NOS1: variants seen among roughly 807,000 people sequenced by gnomAD.
The protein encoded by NOS1 is nitric oxide synthase 1, also known as NOS type I.
A neutral mutation model predicts 164.5 loss-of-function variants in NOS1; 51 were observed. The observed-to-expected ratio is 0.31, with a 90% CI of 0.25 to 0.39. NOS1 has a LOEUF of 0.39. Among genes scored for constraint, NOS1 ranks in the 10% least tolerant of loss-of-function variants. NOS1 has a pLI of 1.00. For synonymous variants in NOS1, 719 were observed against 745.8 expected (o/e 0.96, Z 0.59); for missense variants, 1,362 against 1,885.6 (o/e 0.72, Z 5.14).
rs577718869 is a variant in NOS1, at chr12:117,308,769, G to A, written c.852+2697C>T. Among the ~76,000 whole-genome samples the A allele has an allele frequency of 4.6e-5, 7 of 152,020 alleles. No homozygotes were observed. In the East Asian group the frequency reaches 1.2e-3, roughly 25 times the overall value. The stretch of plus-strand genomic sequence containing the variant: ...CCGCCACCATGCCCAGCTAATTTTT[G>A]TATTTTTAGTAGAGACGGAGTTTCA... On this transcript the variant is annotated intron_variant, in intron 3 of 28. Coordinates refer to ENST00000317775, the MANE Select transcript of NOS1 (RefSeq NM_000620.5).
In NOS1 at chr12:117,278,074, G is replaced by A; in HGVS notation, c.1549C>T (p.Pro517Ser). The change falls in exon 9 of 29, where the codon CCG (proline) becomes TCG (serine). Residue 517 changes from proline to serine, a missense_variant. Pro to Ser is a moderately conservative substitution (Grantham distance 74, BLOSUM62 -1). This residue lies in a region of NOS1 where 134 missense variants were observed against 267.3 expected (regional missense o/e 0.50). Coordinates refer to ENST00000317775, the MANE Select transcript of NOS1 (RefSeq NM_000620.5). ...TEICIQQGWKPPRGRFDVLPL... is the reference protein window; with the variant it reads ...TEICIQQGWKSPRGRFDVLPL... ...AGGACATCGAAGCGGCCTCTAGGCG[G>A]TTTCCAGCCCTGCTGTATGCATATC... 6.2e-7 allele frequency: 1 copy of A among 1,613,752 alleles called. No individual in the cohort carries two copies. The highest frequency in any genetic ancestry group is 8.5e-7 in the Non-Finnish European group (1 of 1,179,854).
At chr12:117,333,831 T>C (rs1208637670) in intron 1 of NOS1, among the ~76,000 whole-genome samples, 2 of 152,136 alleles carry the variant, frequency 1.3e-5, no homozygotes, top group African/African-American at 4.8e-5. Flanking sequence ...TGTGCCCTTC[T>C]CTCTCCTTGC....
chr12:117,309,426 G>A, intron 3 of NOS1: 3 of 974,702 alleles, frequency 3.1e-6, no homozygotes, highest in Non-Finnish European at 3.7e-6. Context: ...GCTGTGTAGA[G>A]AACTTTGAGG....
intron 17 of NOS1, 64 bp from the exon 18 acceptor site, chr12:117,247,586 G>A (rs1384885638): frequency 2.8e-6 from 4 of 1,450,004 alleles, no homozygotes; most frequent in East Asian, 2.4e-5. Context: ...AGTGTCTGGT[G>A]TAATGGGCTA....
chr12:117,276,683 G>A (rs892565588), intron 9 of NOS1, among the ~76,000 whole-genome samples: 1 of 151,308 alleles, frequency 6.6e-6, no homozygotes, highest in Non-Finnish European at 1.5e-5. Flanking sequence ...ATGCCCATGA[G>A]CTCTATTGTT....
At chr12:117,344,573 C>G (rs1332800455) in intron 1 of NOS1, among the ~76,000 whole-genome samples, 1 of 152,164 alleles carries the variant, frequency 6.6e-6, no homozygotes, top group African/African-American at 2.4e-5. Flanking sequence ...GGTGGGGACT[C>G]AAGTCAAGTT....
chr12:117,293,249 C>T lies in NOS1; in HGVS notation c.853-2823G>A, dbSNP rs375557570. Among the ~76,000 whole-genome samples the T allele has an allele frequency of 1.6e-4, 24 of 152,224 alleles. No individual in the cohort carries two copies. The South Asian group carries it at 3.5e-3, about 22-fold the overall frequency. On this transcript the variant is annotated intron_variant, in intron 3 of 28. Coordinates refer to ENST00000317775, the MANE Select transcript of NOS1 (RefSeq NM_000620.5). ...AGGCTGTGGCAGCACAGGGAACACACGGAAGGTGCTAGGATTCATAATCTT... is the reference window on the plus strand; with the variant it reads ...AGGCTGTGGCAGCACAGGGAACACATGGAAGGTGCTAGGATTCATAATCTT...
intron 9 of NOS1, among the ~76,000 whole-genome samples, chr12:117,275,274 TTCTC>T (rs58421488): frequency 1.3e-5 from 2 of 150,064 alleles, no homozygotes; most frequent in African/African-American, 2.4e-5. Flanking sequence ...TCCAAATTAA[TTCTC>T]TCTCTCTCTC....
In NOS1 at chr12:117,247,483, G is replaced by T. The variant is rs1444451786; in HGVS notation, c.2688C>A (p.His896Gln). Reference sequence around the variant, plus strand: ...CCACAGCGTGTCCGAAGGCGCAAAAGTGAGGGTATGCTCGTGAGCCGAGGC... The same window carrying T: ...CCACAGCGTGTCCGAAGGCGCAAAATTGAGGGTATGCTCGTGAGCCGAGGC... ...VFGLGSRAYP[H>Q]FCAFGHAVDT... Residue 896 changes from histidine to glutamine, a missense_variant, in exon 18 of 29, where the codon CAC becomes CAA. His to Gln is a conservative substitution (Grantham distance 24, BLOSUM62 0). Coordinates refer to ENST00000317775, the MANE Select transcript of NOS1 (RefSeq NM_000620.5). 1.2e-6 allele frequency: 2 copies of T among 1,612,720 alleles called. No homozygotes were observed. Among genetic ancestry groups the T allele is most frequent in the Non-Finnish European group, 1.7e-6 (2 of 1,179,530 alleles).
chr12:117,294,424 G>A (rs1873278923), intron 3 of NOS1, among the ~76,000 whole-genome samples: 1 of 152,202 alleles, frequency 6.6e-6, no homozygotes, highest in Non-Finnish European at 1.5e-5. Flanking sequence ...TACGAGTCAA[G>A]TAATTGGCTG....
rs1870330580 is a variant in NOS1 at position 117,243,234 on chromosome 12, G to A, written c.2962+63C>T. On this transcript the variant is annotated intron_variant, in intron 19 of 28. Coordinates refer to ENST00000317775, the MANE Select transcript of NOS1 (RefSeq NM_000620.5). The surrounding 1 kb of genome is among the most constrained non-coding windows in gnomAD (Gnocchi z 4.3). ...CATCTTCTCTAAGCACCTTCTGGAGGTGAGATCACCTGCCTTTCCCCCATT... is the reference window on the plus strand; with the variant it reads ...CATCTTCTCTAAGCACCTTCTGGAGATGAGATCACCTGCCTTTCCCCCATT... 4 of 1,594,732 alleles carry A rather than the reference G, an allele frequency of 2.5e-6. No homozygotes were observed. The highest frequency in any genetic ancestry group is 3.4e-6 in the Non-Finnish European group (4 of 1,169,692).
Position 117,330,921 on chromosome 12 carries a change from C to T in NOS1, c.149G>A (p.Gly50Asp). 1 of 1,614,150 alleles carries T rather than the reference C, an allele frequency of 6.2e-7. No homozygotes were observed. The highest frequency in any genetic ancestry group is 8.5e-7 in the Non-Finnish European group (1 of 1,180,038). Residue 50 changes from glycine (G) to aspartate (D), a missense_variant, in exon 2 of 29, where the codon GGC (glycine) becomes GAC (aspartate). Coordinates refer to ENST00000317775, the MANE Select transcript of NOS1 (RefSeq NM_000620.5). This position sits in a 1 kb window ranked among gnomAD's most constrained non-coding sequence, Gnocchi z 4.6. ...GATGAGGCCACTCTGCTCTGCGGCG[C>T]CCCCACGAATCAGGTCAGAGATGAT... is the stretch of plus-strand genomic sequence containing the variant. ...PVIISDLIRG[G>D]AAEQSGLIQA... is the part of the protein sequence containing the mutation.
At chr12:117,345,957 T>A (rs774085959) in intron 1 of NOS1, among the ~76,000 whole-genome samples, 9 of 152,234 alleles carry the variant, frequency 5.9e-5, no homozygotes, top group African/African-American at 2.2e-4. Flanking sequence ...AGTCTACAGC[T>A]ATTGAATGAA....
At chr12:117,246,697 T>A (rs559231003) in intron 18 of NOS1, among the ~76,000 whole-genome samples, 41 of 152,330 alleles carry the variant, frequency 2.7e-4, no homozygotes, top group African/African-American at 9.9e-4. Flanking sequence ...TTTCTGATTC[T>A]GGACATTTTA....
In NOS1 at chr12:117,260,453, C is replaced by T. The variant is rs367578043; in HGVS notation, c.2367+12G>A. The T allele has an allele frequency of 2.5e-6, 4 of 1,611,480 alleles. No homozygotes were observed. Among genetic ancestry groups the T allele is most frequent in the South Asian group, 1.1e-5 (1 of 90,896 alleles). On this transcript the variant is annotated intron_variant, in intron 14 of 28. Transcript: ENST00000317775. ...TGAGAAGCTGGTGGAGCTAGGGCTA[C>T]CCCCCACCTACCTTGGCATCAAAGG...
At chr12:117,222,689 C>G (rs752627660) in intron 26 of NOS1, 26 bp downstream of exon 26, 23 of 1,610,580 alleles carry the variant, frequency 1.4e-5, no homozygotes, top group Middle Eastern at 1.8e-4. Flanking sequence ...TTGGGCTGGG[C>G]TAGGGGGTGG....
rs1446808364 is a variant in NOS1 at position 117,220,201 on chromosome 12, C to T, written c.4044G>A (p.Gly1348=). 12 of 1,613,742 alleles carry T rather than the reference C, an allele frequency of 7.4e-6. No homozygotes were observed. The highest frequency in any genetic ancestry group is 9.3e-6 in the Non-Finnish European group (11 of 1,179,990). Reference sequence around the variant, plus strand: ...CGTCCCCACAGACGTATATGTGGCCCCCTTGCTCCTTCAGGGCTCGGTACA... The same window carrying T: ...CGTCCCCACAGACGTATATGTGGCCTCCTTGCTCCTTCAGGGCTCGGTACA... ...ESVYRALKEQ[G]GHIYVCGDVT... The change falls in exon 27 of 29, where the codon GGG becomes GGA. Residue 1348 remains glycine (G), a synonymous_variant. Coordinates refer to ENST00000317775, the MANE Select transcript of NOS1 (RefSeq NM_000620.5).
chr12:117,224,936 T>A, intron 25 of NOS1, 80 bp downstream of exon 25: 1 of 1,578,178 alleles, frequency 6.3e-7, no homozygotes, highest in Non-Finnish European at 8.7e-7. Context: ...ACCTTCACTG[T>A]TCTCTAGGGC....
In NOS1 at chr12:117,272,879, G is replaced by A. The variant is rs976785401; in HGVS notation, c.1665-320C>T. Reference sequence around the variant, plus strand: ...GTGGGGACCTCTCTCCCCCTTCCCCGACTGAGCACCCTCCTACCCTCAGGG... The same window carrying A: ...GTGGGGACCTCTCTCCCCCTTCCCCAACTGAGCACCCTCCTACCCTCAGGG... On this transcript the variant is annotated intron_variant, in intron 9 of 28. Transcript: ENST00000317775. This position sits in a 1 kb window ranked among gnomAD's most constrained non-coding sequence, Gnocchi z 4.3. 6.6e-6 allele frequency among the ~76,000 whole-genome samples: 1 copy of A among 152,142 alleles called. No individual in the cohort carries two copies. Among genetic ancestry groups the A allele is most frequent in the Non-Finnish European group, 1.5e-5 (1 of 68,004 alleles).
Sources: allele counts gnomAD v4.1 joint callset (sites outside exome capture counted in the v4.1 genomes callset), GRCh38; gene constraint gnomAD v4.1.1; regional missense constraint gnomAD v4.1.1; non-coding constraint Gnocchi (gnomAD v3.1); transcripts MANE v1.5; gene names NCBI Gene and HGNC (gene_info 2026-07-23, HGNC 2026-07-21).